The following SCN4B variants were observed in gnomAD, a reference collection of about 807,000 sequenced individuals.
The protein encoded by SCN4B is sodium channel regulatory subunit beta-4.
A neutral mutation model predicts 19.6 loss-of-function variants in SCN4B; 20 were observed. The ratio of observed to expected loss-of-function variants is 1.02; its 90% CI spans 0.72 to 1.48. The LOEUF is 1.48. Ranked by LOEUF, SCN4B falls within the 40% of genes most tolerant of loss-of-function variation. The pLI, the probability that SCN4B is intolerant of heterozygous loss-of-function variation, is 0.00. For missense variants in SCN4B, 271 were observed against 287.5 expected (o/e 0.94, Z 0.42); for synonymous variants, 127 against 122.8 (o/e 1.03, Z -0.22).
rs1028408609 is a variant in SCN4B at position 118,151,574 on chromosome 11, C to T, written c.61+1039G>A. ...TCCCCTCTTCACCACCAGGCACCAA[C>T]CTGCTAGATCTGCACACAGTTTACA... On this transcript the variant is annotated intron_variant, in intron 1 of 4. Transcript: ENST00000324727. Among the ~76,000 whole-genome samples, 4 of 152,352 alleles carry T rather than the reference C, an allele frequency of 2.6e-5. No homozygotes were observed. The South Asian group carries it at 8.3e-4, about 32-fold the overall frequency.
chr11:118,145,091 C>T lies in SCN4B; in HGVS notation c.200G>A (p.Arg67Gln), dbSNP rs147332112. ...TGCGTCACTGCTGTTGTAGGTCCAC[C>T]GGAAGTGGAGGTCCTCGAAGCCAAA... ...SCFGFEDLHF[R>Q]WTYNSSDAFK... Residue 67 changes from arginine to glutamine, a missense_variant, in exon 2 of 5, where the codon CGG (arginine) becomes CAG (glutamine). Transcript: ENST00000324727. 1.9e-6 allele frequency: 3 copies of T among 1,613,978 alleles called. No individual in the cohort carries two copies. Among genetic ancestry groups the T allele is most frequent in the African/African-American group, 2.7e-5 (2 of 74,892 alleles).
At position 118,145,102 on chromosome 11, in the gene SCN4B, GTCC is replaced by G. The variant is rs1948154055; in HGVS notation, c.186_188del (p.Glu62del). ...TGTTGTAGGTCCACCGGAAGTGGAG[GTCC>G]TCGAAGCCAAAGCAGCTGGAGAAGG... On this transcript the variant is annotated inframe_deletion, in exon 2 of 5. Coordinates refer to ENST00000324727, the MANE Select transcript of SCN4B (RefSeq NM_174934.4). 1 of 1,614,040 alleles carries G rather than the reference GTCC, an allele frequency of 6.2e-7. No individual in the cohort carries two copies. Among genetic ancestry groups the G allele is most frequent in the African/African-American group, 1.3e-5 (1 of 74,916 alleles).
At chr11:118,145,765 C>T (rs1283571509) in intron 1 of SCN4B, 1 of 244,492 alleles carries the variant, frequency 4.1e-6, no homozygotes, top group Non-Finnish European at 8.2e-6. Context: ...GGGCCGCCGT[C>T]CAGTAGCCTC....
chr11:118,134,192 T>C lies in SCN4B; in HGVS notation c.*2835A>G, dbSNP rs1431806011. 4.4e-6 allele frequency: 2 copies of C among 454,072 alleles called. No individual in the cohort carries two copies. The highest frequency in any genetic ancestry group is 2.0e-5 in the African/African-American group (1 of 50,014). The allele number at this position is 454,072 out of a possible 1,614,324, so 28.1% of individuals were successfully genotyped here. A position where few individuals can be genotyped will look rare whatever the true frequency, so the allele number is the denominator to read the frequency against. ...GGCTGCCTTCTGTTCAATTACGACATGGGGAGAAGCCCAGAACCTGGAATG... is the reference window on the plus strand; with the variant it reads ...GGCTGCCTTCTGTTCAATTACGACACGGGGAGAAGCCCAGAACCTGGAATG... On this transcript the variant is annotated 3_prime_UTR_variant, in exon 5 of 5. Coordinates refer to ENST00000324727, the MANE Select transcript of SCN4B (RefSeq NM_174934.4).
intron 4 of SCN4B, among the ~76,000 whole-genome samples, chr11:118,140,526 T>G (rs1473493155): frequency 6.6e-6 from 1 of 152,204 alleles, no homozygotes; most frequent in Non-Finnish European, 1.5e-5. Flanking sequence ...GAACACAACT[T>G]TCAAATGCCT....
intron 1 of SCN4B, among the ~76,000 whole-genome samples, chr11:118,151,147 CACACAT>C (rs1948229874): frequency 7.4e-6 from 1 of 134,704 alleles, no homozygotes; most frequent in Non-Finnish European, 1.6e-5. Context: ...CACACACACA[CACACAT>C]CATTTTCAGG....
At position 118,145,084 on chromosome 11, in the gene SCN4B, G is replaced by A. The variant is rs778038647; in HGVS notation, c.207C>T (p.Thr69=). The A allele has an allele frequency of 6.2e-7, 1 of 1,614,106 alleles. No homozygotes were observed. Among genetic ancestry groups the A allele is most frequent in the South Asian group, 1.1e-5 (1 of 91,082 alleles). Residue 69 remains threonine (T), a synonymous_variant, in exon 2 of 5, where the codon ACC becomes ACT. Transcript: ENST00000324727. ...FGFEDLHFRW[T]YNSSDAFKIL... ...TCTTGAATGCGTCACTGCTGTTGTAGGTCCACCGGAAGTGGAGGTCCTCGA... is the reference window on the plus strand; with the variant it reads ...TCTTGAATGCGTCACTGCTGTTGTAAGTCCACCGGAAGTGGAGGTCCTCGA...
In SCN4B at chr11:118,152,753, G is replaced by C. The variant is rs1005855309; in HGVS notation, c.-80C>G. 1.4e-5 allele frequency: 17 copies of C among 1,181,640 alleles called. No individual in the cohort carries two copies. In the African/African-American group the frequency reaches 2.6e-4, roughly 18 times the overall value. The allele number at this position is 1,181,640 out of a possible 1,614,324, so 73.2% of individuals were successfully genotyped here. ...GCCGCGCTCTCCGCCCGAGGTCGGC[G>C]TTCGGCCACAAAGCTACCCCGGAGC... On this transcript the variant is annotated 5_prime_UTR_variant, in exon 1 of 5. Coordinates refer to ENST00000324727, the MANE Select transcript of SCN4B (RefSeq NM_174934.4).
Position 118,148,243 on chromosome 11 carries a change from G to A in SCN4B, c.62-3014C>T, listed in dbSNP as rs1224445314. Among the ~76,000 whole-genome samples the A allele has an allele frequency of 9.9e-5, 15 of 152,236 alleles. No homozygotes were observed. The highest frequency in any genetic ancestry group is 9.8e-4 in the Admixed American group (15 of 15,290). On this transcript the variant is annotated intron_variant, in intron 1 of 4. Coordinates refer to ENST00000324727, the MANE Select transcript of SCN4B (RefSeq NM_174934.4). This position sits in a 1 kb window ranked among gnomAD's most constrained non-coding sequence, Gnocchi z 4.0. ...AGGGTGGGCAAGCCTGGCTTCTTCAGTGCACAGCCCTCCCAGTCGGGAGTC... is the reference window on the plus strand; with the variant it reads ...AGGGTGGGCAAGCCTGGCTTCTTCAATGCACAGCCCTCCCAGTCGGGAGTC...
At chr11:118,146,474 T>G (rs796167441) in intron 1 of SCN4B, among the ~76,000 whole-genome samples, 9 of 152,250 alleles carry the variant, frequency 5.9e-5, no homozygotes, top group African/African-American at 2.2e-4. Flanking sequence ...GAAGGCCCTC[T>G]GTTGTCTAAC....
chr11:118,140,412 T>G (rs1948079490), intron 4 of SCN4B, among the ~76,000 whole-genome samples: 1 of 152,240 alleles, frequency 6.6e-6, no homozygotes. Context: ...AGCAGAATGT[T>G]TCAGCAAATA....
At chr11:118,137,853 GC>G (rs1948039670) in intron 4 of SCN4B, among the ~76,000 whole-genome samples, 1 of 152,054 alleles carries the variant, frequency 6.6e-6, no homozygotes, top group African/African-American at 2.4e-5. Context: ...TCTCCCCAGG[GC>G]CCCCCAGGCC....
At position 118,136,252 on chromosome 11, in the gene SCN4B, A is replaced by G; in HGVS notation, c.*775T>C. 2 of 453,776 alleles carry G rather than the reference A, an allele frequency of 4.4e-6. No homozygotes were observed. Among genetic ancestry groups the G allele is most frequent in the South Asian group, 3.1e-5 (2 of 64,466 alleles). The allele number at this position is 453,776 out of a possible 1,614,324, so 28.1% of individuals were successfully genotyped here. A position where few individuals can be genotyped will look rare whatever the true frequency, so the allele number is the denominator to read the frequency against. Reference sequence around the variant, plus strand: ...TCTGTGGCCCAATTCCCCAAGTAGAAATGCTTGGAAAGGCATAGGGAGCAC... The same window carrying G: ...TCTGTGGCCCAATTCCCCAAGTAGAGATGCTTGGAAAGGCATAGGGAGCAC... On this transcript the variant is annotated 3_prime_UTR_variant, in exon 5 of 5. Transcript: ENST00000324727.
intron 4 of SCN4B, among the ~76,000 whole-genome samples, chr11:118,138,857 C>T (rs1253798212): frequency 3.3e-5 from 5 of 152,034 alleles, no homozygotes; most frequent in Non-Finnish European, 5.9e-5. Flanking sequence ...AAACAGCACC[C>T]ACGTTTCAGA....
intron 1 of SCN4B, among the ~76,000 whole-genome samples, chr11:118,152,321 C>G (rs1948241629): frequency 6.6e-6 from 1 of 152,206 alleles, no homozygotes; most frequent in Non-Finnish European, 1.5e-5. Flanking sequence ...TCTGGAGACC[C>G]GCGCTGCAGC....
chr11:118,148,656 GA>G lies in SCN4B; in HGVS notation c.62-3428del, dbSNP rs1367994476. Among the ~76,000 whole-genome samples, 1 of 152,138 alleles carries G rather than the reference GA, an allele frequency of 6.6e-6. No individual in the cohort carries two copies. Among genetic ancestry groups the G allele is most frequent in the Non-Finnish European group, 1.5e-5 (1 of 68,000 alleles). On this transcript the variant is annotated intron_variant, in intron 1 of 4. Coordinates refer to ENST00000324727, the MANE Select transcript of SCN4B (RefSeq NM_174934.4). The surrounding 1 kb of genome is among the most constrained non-coding windows in gnomAD (Gnocchi z 4.0). ...CTGCAGGTAGAGGAGGGTGGTATTT[GA>G]AAGGGGAGCAGGGGACAAGGGTGTC...
rs570654511 is a variant in SCN4B at position 118,134,109 on chromosome 11, T to C, written c.*2918A>G. The stretch of plus-strand genomic sequence containing the variant: ...AGAGCTCTGATCGGCCTGCCATATG[T>C]AGTCTGAGCCCCATCGGCTGCTCTC... On this transcript the variant is annotated 3_prime_UTR_variant, in exon 5 of 5. Coordinates refer to ENST00000324727, the MANE Select transcript of SCN4B (RefSeq NM_174934.4). 1.8e-3 allele frequency: 838 copies of C among 454,414 alleles called. 15 individuals carry two copies. Among genetic ancestry groups the C allele is most frequent in the South Asian group, 0.013 (818 of 64,484 alleles). The allele number at this position is 454,414 out of a possible 1,614,324, so 28.1% of individuals were successfully genotyped here. A position where few individuals can be genotyped will look rare whatever the true frequency, so the allele number is the denominator to read the frequency against.
chr11:118,139,888 C>CTTT (rs5795120), intron 4 of SCN4B, among the ~76,000 whole-genome samples: 11 of 139,726 alleles, frequency 7.9e-5, no homozygotes, highest in South Asian at 2.3e-4. Context: ...TCTAGCATTC[C>CTTT]TTTTTTTTTT....
At chr11:118,138,932 C>T (rs966019623) in intron 4 of SCN4B, among the ~76,000 whole-genome samples, 4 of 152,030 alleles carry the variant, frequency 2.6e-5, no homozygotes, top group African/African-American at 7.2e-5. Context: ...TGCTGTAATG[C>T]AGGCATTCCC....
Sources: gnomAD v4.1 joint callset for allele counts (sites outside exome capture counted in the v4.1 genomes callset) on GRCh38, gnomAD v4.1.1 for gene constraint, Gnocchi (gnomAD v3.1) non-coding constraint, MANE v1.5 for transcripts, NCBI Gene and HGNC (gene_info 2026-07-23, HGNC 2026-07-21) for gene names.